The following ATXN1 variants were observed in gnomAD, a reference collection of about 807,000 sequenced individuals.
ATXN1 encodes ataxin 1.
In ATXN1, 8 loss-of-function variants were observed where a neutral mutation model predicts 56.4. The ratio of observed to expected loss-of-function variants is 0.14; its 90% CI spans 0.08 to 0.26. ATXN1 has a LOEUF of 0.26. ATXN1 is among the 10% of genes least tolerant of loss of function. The pLI, the probability that ATXN1 is intolerant of heterozygous loss-of-function variation, is 1.00. For synonymous variants in ATXN1, 514 were observed against 494.6 expected (o/e 1.04, Z -0.52); for missense variants, 987 against 1,106.5 (o/e 0.89, Z 1.53).
At chr6:16,749,918 A>T (rs1243366633) in intron 2 of ATXN1, 1 of 152,332 alleles carries the variant, frequency 6.6e-6, no homozygotes, top group Non-Finnish European at 1.5e-5. Context: ...CGAATCCAGA[A>T]ATTCAGATGT....
At chr6:16,462,240 C>A (rs899939227) in intron 6 of ATXN1, among the ~76,000 whole-genome samples, 1 of 152,100 alleles carries the variant, frequency 6.6e-6, no homozygotes, top group Non-Finnish European at 1.5e-5. Flanking sequence ...GGAGTGGAAT[C>A]TTGGATTCAC....
intron 6 of ATXN1, among the ~76,000 whole-genome samples, chr6:16,411,848 T>C (rs1189402050): frequency 6.6e-6 from 1 of 152,242 alleles, no homozygotes; most frequent in African/African-American, 2.4e-5. Context: ...TGATAAGATA[T>C]GCCACATATC....
rs754277924 is a variant in ATXN1 at position 16,305,020 on chromosome 6, C to T, written c.*1309G>A. On this transcript the variant is annotated 3_prime_UTR_variant, in exon 8 of 8. Transcript: ENST00000436367. ...AATTCACATTCATCCCTTTAAACCA[C>T]ATTGAAACTTTCAATATCTTGCTCT... The T allele has an allele frequency of 5.0e-4, 77 of 152,638 alleles. No homozygotes were observed. Among genetic ancestry groups the T allele is most frequent in the Admixed American group, 3.5e-3 (54 of 15,278 alleles). 9.5% of individuals were successfully genotyped at this position (152,638 alleles called of 1,614,324 possible).
intron 6 of ATXN1, among the ~76,000 whole-genome samples, chr6:16,483,382 G>A (rs1760477490): frequency 6.6e-6 from 1 of 152,168 alleles, no homozygotes. Context: ...AAAATTGCCT[G>A]CCTTCTCTAC....
intron 7 of ATXN1, among the ~76,000 whole-genome samples, chr6:16,325,223 T>C (rs1319866512): frequency 6.6e-6 from 1 of 151,878 alleles, no homozygotes; most frequent in Non-Finnish European, 1.5e-5. Context: ...GTTCATGCAA[T>C]TCTCCTACCT....
rs546922190 is a variant in ATXN1, at chr6:16,643,030, G to A, written c.-489+14746C>T. On this transcript the variant is annotated intron_variant, in intron 3 of 7. Transcript: ENST00000436367. The stretch of plus-strand genomic sequence containing the variant: ...CATGCCTGTAATCCCAGCACTTTGG[G>A]AGGCTGAGGTGGGTGGATCACCTGG... Among the ~76,000 whole-genome samples, 3 of 152,258 alleles carry A rather than the reference G, an allele frequency of 2.0e-5. No individual in the cohort carries two copies. In the South Asian group the frequency reaches 6.2e-4, roughly 32 times the overall value.
chr6:16,341,877 A>ATTTTT (rs34092584), intron 6 of ATXN1, among the ~76,000 whole-genome samples: 17 of 86,856 alleles, frequency 2.0e-4, no homozygotes, highest in African/African-American at 4.9e-4. Context: ...TGTCTCAGTG[A>ATTTTT]TTTTTTTTTT....
intron 3 of ATXN1, among the ~76,000 whole-genome samples, chr6:16,604,335 A>C (rs568587803): frequency 4.7e-5 from 7 of 149,848 alleles, no homozygotes; most frequent in East Asian, 4.0e-4. Context: ...AAAAAAAAAA[A>C]AAAAAACAAA....
intron 2 of ATXN1, among the ~76,000 whole-genome samples, chr6:16,751,926 A>C (rs1459784014): frequency 6.6e-6 from 1 of 152,178 alleles, no homozygotes; most frequent in South Asian, 2.1e-4. Context: ...CAGCCCTATA[A>C]GAAAGTTCTA....
At position 16,602,282 on chromosome 6, in the gene ATXN1, C is replaced by G. The variant is rs141814708; in HGVS notation, c.-488-16375G>C. On this transcript the variant is annotated intron_variant, in intron 3 of 7. Coordinates refer to ENST00000436367, the MANE Select transcript of ATXN1 (RefSeq NM_001128164.2). ...ACCCCTGCCCTGTCAACTTGAACAC[C>G]AGTGAAACACCACAGTGTTTCAATA... 1.4e-4 allele frequency among the ~76,000 whole-genome samples: 22 copies of G among 152,170 alleles called. No homozygotes were observed. The East Asian group carries it at 4.2e-3, about 29-fold the overall frequency.
Position 16,299,213 on chromosome 6 carries a change from A to C in ATXN1, c.*7116T>G, listed in dbSNP as rs1190157725. ...TAAAACAATTTTGTTCAAATTTTGAATCAAACATTGTTTTATTATAATAAT... is the reference window on the plus strand; with the variant it reads ...TAAAACAATTTTGTTCAAATTTTGACTCAAACATTGTTTTATTATAATAAT... On this transcript the variant is annotated 3_prime_UTR_variant, in exon 8 of 8. Transcript: ENST00000436367. The C allele has an allele frequency of 6.6e-6, 1 of 152,664 alleles. No homozygotes were observed. The allele number at this position is 152,664 out of a possible 1,614,324, so 9.5% of individuals were successfully genotyped here. A position where few individuals can be genotyped will look rare whatever the true frequency, so the allele number is the denominator to read the frequency against.
At chr6:16,605,688 C>T (rs1762992387) in intron 3 of ATXN1, among the ~76,000 whole-genome samples, 1 of 152,088 alleles carries the variant, frequency 6.6e-6, no homozygotes, top group Non-Finnish European at 1.5e-5. Context: ...AGAAGATTAG[C>T]AGGAGAATAC....
At chr6:16,590,898 A>T (rs1023896038) in intron 3 of ATXN1, among the ~76,000 whole-genome samples, 1 of 151,008 alleles carries the variant, frequency 6.6e-6, no homozygotes, top group Non-Finnish European at 1.5e-5. Flanking sequence ...GCTGGAGTGC[A>T]ATGGCGCAAT....
chr6:16,731,886 C>T (rs757073980), intron 2 of ATXN1, among the ~76,000 whole-genome samples: 2 of 151,958 alleles, frequency 1.3e-5, no homozygotes, highest in Admixed American at 6.6e-5. Context: ...CTATTTAAAG[C>T]ACCCTAAGCA....
chr6:16,322,953 C>T (rs1218091542), intron 7 of ATXN1, among the ~76,000 whole-genome samples: 1 of 152,240 alleles, frequency 6.6e-6, no homozygotes, highest in Non-Finnish European at 1.5e-5. Flanking sequence ...TCTCAGCACA[C>T]TTGCCTTTCT....
At chr6:16,568,552 T>G (rs1236439321) in intron 4 of ATXN1, among the ~76,000 whole-genome samples, 1 of 152,218 alleles carries the variant, frequency 6.6e-6, no homozygotes, top group Admixed American at 6.5e-5. Context: ...ATAGAGCTTA[T>G]AATATAGACA....
chr6:16,636,357 A>ACT (rs3072308), intron 3 of ATXN1, among the ~76,000 whole-genome samples: 98,473 of 151,924 alleles, frequency 0.65, 32,323 homozygotes, highest in African/African-American at 0.77. Flanking sequence ...TTAGTTTCCA[A>ACT]CTGGACCTCA....
At position 16,300,482 on chromosome 6, in the gene ATXN1, C is replaced by T. The variant is rs1049382070; in HGVS notation, c.*5847G>A. 4.6e-5 allele frequency: 7 copies of T among 152,380 alleles called. No homozygotes were observed. Among genetic ancestry groups the T allele is most frequent in the Non-Finnish European group, 8.8e-5 (6 of 68,034 alleles). The allele number at this position is 152,380 out of a possible 1,614,324, so 9.4% of individuals were successfully genotyped here. A position where few individuals can be genotyped will look rare whatever the true frequency, so the allele number is the denominator to read the frequency against. ...GGGTGCTTAATATCCCCACAGCTGTCCAGTTTCCACTGTCCGGCTTGATTT... is the reference window on the plus strand; with the variant it reads ...GGGTGCTTAATATCCCCACAGCTGTTCAGTTTCCACTGTCCGGCTTGATTT... On this transcript the variant is annotated 3_prime_UTR_variant, in exon 8 of 8. Coordinates refer to ENST00000436367, the MANE Select transcript of ATXN1 (RefSeq NM_001128164.2).
At chr6:16,452,579 A>C (rs2113614196) in intron 6 of ATXN1, among the ~76,000 whole-genome samples, 1 of 152,356 alleles carries the variant, frequency 6.6e-6, no homozygotes, top group African/African-American at 2.4e-5. Context: ...ATTCCAATGA[A>C]AGGGTAAAAA....
Sources: allele counts gnomAD v4.1 joint callset (sites outside exome capture counted in the v4.1 genomes callset), GRCh38; gene constraint gnomAD v4.1.1; transcripts MANE v1.5; gene names NCBI Gene and HGNC (gene_info 2026-07-23, HGNC 2026-07-21).